The following RPGRIP1L variants were observed in gnomAD, a reference collection of about 807,000 sequenced individuals.
RPGRIP1L encodes the protein RPGRIP1 like, also known as protein fantom.
Under a neutral mutation model 160.4 loss-of-function variants are expected in RPGRIP1L, and 131 were observed. The ratio of observed to expected loss-of-function variants is 0.82; its 90% CI spans 0.71 to 0.94. The LOEUF is 0.94. RPGRIP1L is among the 40% of genes least tolerant of loss of function. The pLI is 0.00. For synonymous variants in RPGRIP1L, 510 were observed against 515.8 expected (o/e 0.99, Z 0.15); for missense variants, 1,522 against 1,535.8 (o/e 0.99, Z 0.15).
chr16:53,636,476 C>G lies in RPGRIP1L; in HGVS notation c.3257G>C (p.Cys1086Ser), dbSNP rs772351648. Residue 1086 changes from cysteine to serine, a missense_variant, in exon 22 of 27, where the codon TGT becomes TCT. Cys to Ser is a moderately radical substitution (Grantham distance 112). Transcript: ENST00000647211. Reference protein sequence around the residue: ...EDMSASDSDDCIIPGPISKNI... With the variant: ...EDMSASDSDDSIIPGPISKNI... ...CTTGGAGATAGGACCTGGAATAATA[C>G]AGTCATCACTGTCAGAAGCTGACAT... 3.1e-6 allele frequency: 5 copies of G among 1,612,312 alleles called. No individual in the cohort carries two copies. Among genetic ancestry groups the G allele is most frequent in the Non-Finnish European group, 4.2e-6 (5 of 1,178,694 alleles).
At chr16:53,700,272 C>T (rs1971285289) in intron 2 of RPGRIP1L, among the ~76,000 whole-genome samples, 1 of 152,184 alleles carries the variant, frequency 6.6e-6, no homozygotes, top group South Asian at 2.1e-4. Context: ...ACGGCCTTTC[C>T]TCCCATATAA....
intron 10 of RPGRIP1L, among the ~76,000 whole-genome samples, chr16:53,664,322 T>C (rs1014487944): frequency 6.6e-6 from 1 of 152,196 alleles, no homozygotes; most frequent in Non-Finnish European, 1.5e-5. Context: ...CAAAGTAGAA[T>C]TAGACATCTC....
intron 24 of RPGRIP1L, among the ~76,000 whole-genome samples, chr16:53,618,550 CTCT>C (rs1022930949): frequency 2.6e-5 from 4 of 152,060 alleles, no homozygotes; most frequent in Non-Finnish European, 4.4e-5. Flanking sequence ...CTTCAACTTT[CTCT>C]TCTTTTTTGA....
chr16:53,697,415 G>A (rs12162015), intron 2 of RPGRIP1L, among the ~76,000 whole-genome samples: 14,824 of 151,804 alleles, frequency 0.098, 1,242 homozygotes, highest in African/African-American at 0.22. Context: ...ATGCCAAGCC[G>A]AAGCTGGACT....
chr16:53,675,153 C>T, intron 6 of RPGRIP1L, 31 bp from the exon 7 acceptor site: 1 of 1,512,420 alleles, frequency 6.6e-7, no homozygotes, highest in Non-Finnish European at 9.2e-7. Context: ...AAAAGAGAGA[C>T]AGAAGTAAAA....
rs150288774 is a variant in RPGRIP1L at position 53,622,642 on chromosome 16, C to T, written c.3295-286G>A. 3.0e-4 allele frequency among the ~76,000 whole-genome samples: 45 copies of T among 152,040 alleles called. 2 individuals carry two copies. The East Asian group carries it at 7.8e-3, about 26-fold the overall frequency. ...ACTTCCTAAATATCGCCACAATTGG[C>T]CAGGTGCAGTGGCTCATGCTTGTAA... On this transcript the variant is annotated intron_variant, in intron 22 of 26. Transcript: ENST00000647211.
chr16:53,615,505 G>A (rs1238127145), intron 24 of RPGRIP1L, among the ~76,000 whole-genome samples: 34 of 118,034 alleles, frequency 2.9e-4, no homozygotes, highest in South Asian at 1.1e-3. Flanking sequence ...ATGGAGTCTC[G>A]CTCTGTCACC....
chr16:53,641,276 G>C lies in RPGRIP1L; in HGVS notation c.2874+9C>G. 1 of 1,612,742 alleles carries C rather than the reference G, an allele frequency of 6.2e-7. No homozygotes were observed. The highest frequency in any genetic ancestry group is 8.5e-7 in the Non-Finnish European group (1 of 1,179,058). ...ACTTGTAAAAAAATTAAAAGTCACT[G>C]ATACTCACTAAAACTAGTGTGCTAA... On this transcript the variant is annotated intron_variant, in intron 18 of 26. Transcript: ENST00000647211.
intron 6 of RPGRIP1L, among the ~76,000 whole-genome samples, chr16:53,676,248 A>T (rs1164686500): frequency 6.6e-6 from 1 of 152,148 alleles, no homozygotes; most frequent in Non-Finnish European, 1.5e-5. Flanking sequence ...AAAACCATGA[A>T]TCCAAATTTT....
intron 10 of RPGRIP1L, among the ~76,000 whole-genome samples, chr16:53,663,151 T>C (rs1261442007): frequency 2.0e-5 from 3 of 151,944 alleles, no homozygotes; most frequent in Non-Finnish European, 2.9e-5. Flanking sequence ...ATTTACATAC[T>C]GGACTTTTTC....
At chr16:53,638,814 T>C (rs959624832) in intron 19 of RPGRIP1L, among the ~76,000 whole-genome samples, 1 of 151,836 alleles carries the variant, frequency 6.6e-6, no homozygotes, top group Non-Finnish European at 1.5e-5. Context: ...GTAAAAAAGC[T>C]ACTTATAGAA....
At chr16:53,695,586 C>T (rs1335791740) in intron 3 of RPGRIP1L, 4 of 587,430 alleles carry the variant, frequency 6.8e-6, no homozygotes, top group Admixed American at 6.1e-5. Context: ...AGTATCTACT[C>T]TTAAGAAATC....
At chr16:53,617,073 CAAAAAAAAAAA>C (rs397945611) in intron 24 of RPGRIP1L, among the ~76,000 whole-genome samples, 3 of 21,856 alleles carry the variant, frequency 1.4e-4, no homozygotes, top group African/African-American at 1.1e-3. Context: ...CCTTGCATCA[CAAAAAAAAAAA>C]AAAAAAAAAA....
intron 9 of RPGRIP1L, among the ~76,000 whole-genome samples, chr16:53,669,879 T>TA (rs1968568792): frequency 6.6e-6 from 1 of 152,128 alleles, no homozygotes; most frequent in African/African-American, 2.4e-5. Flanking sequence ...TTTTAGAGTT[T>TA]AAAAAAATCT....
At chr16:53,622,949 T>C (rs1288953622) in intron 22 of RPGRIP1L, among the ~76,000 whole-genome samples, 1 of 151,872 alleles carries the variant, frequency 6.6e-6, no homozygotes, top group Non-Finnish European at 1.5e-5. Flanking sequence ...TAGGGAGCCA[T>C]GATCTTGCCA....
intron 13 of RPGRIP1L, among the ~76,000 whole-genome samples, chr16:53,657,031 C>G (rs944813661): frequency 2.6e-5 from 4 of 152,082 alleles, no homozygotes; most frequent in Admixed American, 6.6e-5. Context: ...CACTTGAGGT[C>G]AGAGTTAGAG....
chr16:53,604,735 G>T (rs972313046), intron 26 of RPGRIP1L, among the ~76,000 whole-genome samples: 1 of 152,174 alleles, frequency 6.6e-6, no homozygotes, highest in African/African-American at 2.4e-5. Flanking sequence ...GAATTAAAGA[G>T]AAGCCTTGAG....
chr16:53,690,455 C>G (rs962206320), intron 4 of RPGRIP1L, among the ~76,000 whole-genome samples: 1 of 152,122 alleles, frequency 6.6e-6, no homozygotes, highest in Non-Finnish European at 1.5e-5. Context: ...CTTGACCTCC[C>G]AAAGTGCTGG....
chr16:53,660,883 A>G lies in RPGRIP1L; in HGVS notation c.1244-2005T>C, dbSNP rs112313003. Among the ~76,000 whole-genome samples, 27 of 149,352 alleles carry G rather than the reference A, an allele frequency of 1.8e-4. 2 individuals carry two copies. Among genetic ancestry groups the G allele is most frequent in the Admixed American group, 5.3e-4 (8 of 15,012 alleles). Reference sequence around the variant, plus strand: ...ACTCCAGCCTGGGCAATAGAGTGAGACTACATCTAAAAAAAAAAAAAAAAA... The same window carrying G: ...ACTCCAGCCTGGGCAATAGAGTGAGGCTACATCTAAAAAAAAAAAAAAAAA... On this transcript the variant is annotated intron_variant, in intron 10 of 26. Transcript: ENST00000647211.
Sources: gnomAD v4.1 joint callset for allele counts (sites outside exome capture counted in the v4.1 genomes callset) on GRCh38, gnomAD v4.1.1 for gene constraint, MANE v1.5 for transcripts, NCBI Gene and HGNC (gene_info 2026-07-23, HGNC 2026-07-21) for gene names.